FBXW4: variants seen among roughly 807,000 people sequenced by gnomAD.
The protein encoded by FBXW4 is F-box/WD repeat-containing protein 4.
FBXW4 carries 40 observed loss-of-function variants against 61.8 expected under a neutral mutation model. The observed-to-expected ratio is 0.65, with a 90% confidence interval of 0.50 to 0.84. The LOEUF is 0.84. FBXW4 is among the 40% of genes least tolerant of loss of function. FBXW4 has a pLI of 0.00. For synonymous variants in FBXW4, 311 were observed against 313.8 expected (o/e 0.99, Z 0.10); for missense variants, 672 against 753.8 (o/e 0.89, Z 1.27).
At chr10:101,656,512 A>G (rs1342018404) in intron 5 of FBXW4, among the ~76,000 whole-genome samples, 1 of 152,236 alleles carries the variant, frequency 6.6e-6, no homozygotes, top group African/African-American at 2.4e-5. Context: ...TGCCTTCAAG[A>G]GGCATGTTCT....
At chr10:101,674,491 G>A (rs1223886412) in intron 2 of FBXW4, among the ~76,000 whole-genome samples, 2 of 152,192 alleles carry the variant, frequency 1.3e-5, no homozygotes, top group Non-Finnish European at 2.9e-5. Flanking sequence ...GGAGAAAAGA[G>A]AAGAATAAAC....
chr10:101,646,348 G>A (rs1449613194), intron 5 of FBXW4, among the ~76,000 whole-genome samples: 1 of 152,188 alleles, frequency 6.6e-6, no homozygotes, highest in African/African-American at 2.4e-5. Context: ...CCCTCAAACT[G>A]ACCACAGCCC....
At chr10:101,691,154 G>A (rs1352584645) in intron 1 of FBXW4, among the ~76,000 whole-genome samples, 3 of 151,984 alleles carry the variant, frequency 2.0e-5, no homozygotes, top group African/African-American at 7.3e-5. Flanking sequence ...CAGTTAATTA[G>A]CCCAAAGCAA....
At chr10:101,657,630 ACT>A (rs2064199770) in intron 5 of FBXW4, among the ~76,000 whole-genome samples, 1 of 102,332 alleles carries the variant, frequency 9.8e-6, no homozygotes. Context: ...ACACAGCGAG[ACT>A]CTGTCTCAAA....
intron 2 of FBXW4, among the ~76,000 whole-genome samples, 159 bp downstream of exon 2, chr10:101,676,182 A>G (rs532434785): frequency 6.6e-6 from 1 of 152,288 alleles, no homozygotes; most frequent in African/African-American, 2.4e-5. Context: ...AAAATGTGAA[A>G]AAGTTGTCCT....
At chr10:101,693,284 A>T (rs933796293) in intron 1 of FBXW4, among the ~76,000 whole-genome samples, 7 of 152,192 alleles carry the variant, frequency 4.6e-5, no homozygotes, top group East Asian at 1.9e-4. Context: ...ACTGATTTTT[A>T]AAAAATATGT....
chr10:101,673,358 C>T (rs563473096), intron 3 of FBXW4, 130 bp downstream of exon 3: 10 of 1,093,162 alleles, frequency 9.1e-6, no homozygotes, highest in East Asian at 2.4e-5. Context: ...AATCTCTCTG[C>T]TTTAAATGGA....
At chr10:101,675,302 G>C (rs2064397045) in intron 2 of FBXW4, among the ~76,000 whole-genome samples, 1 of 152,144 alleles carries the variant, frequency 6.6e-6, no homozygotes, top group Non-Finnish European at 1.5e-5. Context: ...GGGAATTTTT[G>C]TGTTTAGAGC....
At chr10:101,687,897 C>T (rs1186332736) in intron 1 of FBXW4, among the ~76,000 whole-genome samples, 1 of 152,196 alleles carries the variant, frequency 6.6e-6, no homozygotes, top group Non-Finnish European at 1.5e-5. Context: ...TCAGCTGAGA[C>T]CACCAACAAA....
At chr10:101,616,372 T>C (rs75470108) in intron 6 of FBXW4, among the ~76,000 whole-genome samples, 6,790 of 152,280 alleles carry the variant, frequency 0.045, 220 homozygotes, top group Non-Finnish European at 0.07. Context: ...TACAGGGAGA[T>C]GTAAGCTGTG....
At chr10:101,630,010 C>A (rs1031809448) in intron 5 of FBXW4, among the ~76,000 whole-genome samples, 5 of 152,214 alleles carry the variant, frequency 3.3e-5, no homozygotes, top group Admixed American at 2.6e-4. Flanking sequence ...TGGGCTGACA[C>A]ACTTTGGCAA....
intron 1 of FBXW4, among the ~76,000 whole-genome samples, chr10:101,681,710 C>A (rs1475978494): frequency 7.6e-6 from 1 of 131,396 alleles, no homozygotes; most frequent in African/African-American, 2.7e-5. Flanking sequence ...GAGCGAGACT[C>A]CGTCTCAAAA....
intron 1 of FBXW4, among the ~76,000 whole-genome samples, chr10:101,680,997 T>C (rs1204554571): frequency 6.6e-6 from 1 of 152,202 alleles, no homozygotes; most frequent in Admixed American, 6.5e-5. Context: ...GCAAAACATT[T>C]TGGCAACAAC....
chr10:101,622,171 A>T (rs1445888062), intron 6 of FBXW4, among the ~76,000 whole-genome samples: 1 of 150,752 alleles, frequency 6.6e-6, no homozygotes, highest in East Asian at 1.9e-4. Flanking sequence ...AAAAAAAAAA[A>T]GCTATGGCTA....
intron 5 of FBXW4, among the ~76,000 whole-genome samples, chr10:101,664,177 CAAATT>C (rs1266101471): frequency 6.6e-6 from 1 of 152,172 alleles, no homozygotes; most frequent in Non-Finnish European, 1.5e-5. Flanking sequence ...GTGAGGACCT[CAAATT>C]AAGCCTCTGG....
intron 5 of FBXW4, among the ~76,000 whole-genome samples, chr10:101,666,505 C>A (rs4919573): frequency 0.97 from 147,718 of 152,270 alleles, 71,815 homozygotes; most frequent in East Asian, 1. Context: ...AGCTGAAGGG[C>A]CTAAACGAAG....
chr10:101,664,553 G>A (rs4917944), intron 5 of FBXW4, among the ~76,000 whole-genome samples: 104,677 of 151,998 alleles, frequency 0.69, 36,225 homozygotes, highest in East Asian at 0.86. Context: ...GGAACTGAAG[G>A]TGGTCATTGA....
chr10:101,637,875 G>GT (rs1297057630), intron 5 of FBXW4, among the ~76,000 whole-genome samples: 1 of 151,978 alleles, frequency 6.6e-6, no homozygotes, highest in East Asian at 1.9e-4. Flanking sequence ...AGTCGACCCC[G>GT]TAATCACTAT....
intron 6 of FBXW4, among the ~76,000 whole-genome samples, chr10:101,614,522 C>G (rs982037503): frequency 2.6e-5 from 4 of 152,186 alleles, no homozygotes; most frequent in African/African-American, 9.6e-5. Flanking sequence ...GGGGTCCCTG[C>G]CCTCGGGGGG....
Sources: gnomAD v4.1 joint callset for allele counts (sites outside exome capture counted in the v4.1 genomes callset) on GRCh38, gnomAD v4.1.1 for gene constraint, MANE v1.5 for transcripts, NCBI Gene and HGNC (gene_info 2026-07-23, HGNC 2026-07-21) for gene names.